CD300C: variants seen among roughly 807,000 people sequenced by gnomAD.
CD300C encodes CD300c molecule, also known as CMRF35-like molecule 6.
A neutral mutation model predicts 18.4 loss-of-function variants in CD300C; 11 were observed. That is an observed-to-expected ratio of 0.60 (90% CI 0.38 to 0.99). The LOEUF (loss-of-function observed/expected upper bound fraction) is 0.99, where lower values mean the gene tolerates loss of function less well. CD300C is among the 50% of genes least tolerant of loss of function. CD300C has a pLI of 0.01. For missense variants in CD300C, 277 were observed against 287.4 expected (o/e 0.96, Z 0.26); for synonymous variants, 116 against 116.3 (o/e 1.00, Z 0.02).
At chr17:74,539,221 A>G (rs1040774975), downstream of CD300C, among the ~76,000 whole-genome samples, 6 of 152,188 alleles carry the variant, frequency 3.9e-5, no homozygotes, top group Non-Finnish European at 8.8e-5. Context: ...ATCTTGGTGG[A>G]CCTGGCACCA....
intron 2 of CD300C, among the ~76,000 whole-genome samples, chr17:74,544,147 A>G (rs866411717): frequency 7.2e-5 from 11 of 152,176 alleles, no homozygotes; most frequent in Admixed American, 2.6e-4. Flanking sequence ...AGAGGAGCCA[A>G]TGATGGGGGG....
intron 2 of CD300C, among the ~76,000 whole-genome samples, chr17:74,544,153 G>T (rs1453276765): frequency 6.6e-6 from 1 of 152,130 alleles, no homozygotes; most frequent in Non-Finnish European, 1.5e-5. Flanking sequence ...GCCAATGATG[G>T]GGGGGTCCAA....
chr17:74,540,762 G>A (rs4788845), downstream of CD300C, among the ~76,000 whole-genome samples: 83,454 of 152,068 alleles, frequency 0.55, 23,433 homozygotes, highest in Middle Eastern at 0.69. Context: ...CCCTCCATCC[G>A]TTTCCAAATT....
chr17:74,542,714 G>C lies in CD300C; in HGVS notation c.527+147C>G, dbSNP rs1011228750. ...CTGCTGTGACCCAATCCCAAAAGGA[G>C]CGCCTGACACTTAATAGAACCTTCA... is the stretch of plus-strand genomic sequence containing the variant. On this transcript the variant is annotated intron_variant, in intron 3 of 3. Transcript: ENST00000330793. 1.0e-5 allele frequency: 10 copies of C among 953,306 alleles called. No homozygotes were observed. The South Asian group carries it at 1.7e-4, about 17-fold the overall frequency. 59.1% of individuals were successfully genotyped at this position (953,306 alleles called of 1,614,324 possible). A position where few individuals can be genotyped will look rare whatever the true frequency, so the allele number is the denominator to read the frequency against.
Position 74,541,353 on chromosome 17 carries a change from C to T in CD300C, c.*236G>A, listed in dbSNP as rs563329817. 2 of 465,724 alleles carry T rather than the reference C, an allele frequency of 4.3e-6. No homozygotes were observed. The highest frequency in any genetic ancestry group is 4.0e-6 in the Non-Finnish European group (1 of 252,230). 28.8% of individuals were successfully genotyped at this position (465,724 alleles called of 1,614,324 possible). A position where few individuals can be genotyped will look rare whatever the true frequency, so the allele number is the denominator to read the frequency against. On this transcript the variant is annotated 3_prime_UTR_variant, in exon 4 of 4. Coordinates refer to ENST00000330793, the MANE Select transcript of CD300C (RefSeq NM_006678.5). The stretch of plus-strand genomic sequence containing the variant: ...GCACTCAGAGGTATTGCTGACGGCC[C>T]GAGGCTTAGCTGGCCGGGGCGTGCA...
At chr17:74,545,699 A>G (rs809740) in intron 1 of CD300C, 23 bp downstream of exon 1, 1,052,475 of 1,584,410 alleles carry the variant, frequency 0.66, 354,943 homozygotes, top group African/African-American at 0.94. Flanking sequence ...AGAGCTCCCC[A>G]AGTCCAGGGT....
At chr17:74,535,635 CAG>C in the CD300C span, among the ~76,000 whole-genome samples, 2 of 149,248 alleles carry the variant, frequency 1.3e-5, no homozygotes, top group Non-Finnish European at 2.9e-5. Context: ...TGTTCATAGA[CAG>C]AGAAATTATT....
In CD300C at chr17:74,544,623, A is replaced by G. The variant is rs547924214; in HGVS notation, c.386T>C (p.Val129Ala). Reference sequence around the variant, plus strand: ...GAGGGGCTCACCCGGGAACACGGACACCTCAACCTCGACAATGGGATCATG... The same window carrying G: ...GAGGGGCTCACCCGGGAACACGGACGCCTCAACCTCGACAATGGGATCATG... Reference protein sequence around the residue: ...DFHDPIVEVEVSVFPAGTTTA... With the variant: ...DFHDPIVEVEASVFPAGTTTA... Residue 129 changes from valine (V) to alanine (A), a missense_variant, in exon 2 of 4, where the codon GTG becomes GCG. Val to Ala is a moderately conservative substitution (Grantham distance 64). Transcript: ENST00000330793. 2.5e-6 allele frequency: 4 copies of G among 1,609,976 alleles called. No individual in the cohort carries two copies. Among genetic ancestry groups the G allele is most frequent in the Non-Finnish European group, 3.4e-6 (4 of 1,176,528 alleles).
chr17:74,536,106 A>G (rs1908366203), downstream of CD300C, among the ~76,000 whole-genome samples: 1 of 152,150 alleles, frequency 6.6e-6, no homozygotes, highest in African/African-American at 2.4e-5. Flanking sequence ...TTAGAAGAAG[A>G]TATAGGATAA....
In CD300C at chr17:74,543,080, C is replaced by G. The variant is rs528186500; in HGVS notation, c.401-93G>C. The G allele has an allele frequency of 3.9e-6, 6 of 1,526,988 alleles. No individual in the cohort carries two copies. In the East Asian group the frequency reaches 1.4e-4, roughly 34 times the overall value. 94.6% of individuals were successfully genotyped at this position (1,526,988 alleles called of 1,614,324 possible). ...GCTCCAATTTTCACAGACAAGGTCACCAATGATGTGCTGGACAGATGCCCT... is the reference window on the plus strand; with the variant it reads ...GCTCCAATTTTCACAGACAAGGTCAGCAATGATGTGCTGGACAGATGCCCT... On this transcript the variant is annotated intron_variant, in intron 2 of 3. Coordinates refer to ENST00000330793, the MANE Select transcript of CD300C (RefSeq NM_006678.5).
chr17:74,541,524 A>T lies in CD300C; in HGVS notation c.*65T>A. On this transcript the variant is annotated 3_prime_UTR_variant, in exon 4 of 4. Coordinates refer to ENST00000330793, the MANE Select transcript of CD300C (RefSeq NM_006678.5). Reference sequence around the variant, plus strand: ...GAGAGCAGCCCGGGAGGGAGTGGTCAGGAGGTCATTCCAGTCCCCCAGAGG... The same window carrying T: ...GAGAGCAGCCCGGGAGGGAGTGGTCTGGAGGTCATTCCAGTCCCCCAGAGG... The T allele has an allele frequency of 9.1e-7, 1 of 1,102,086 alleles. No individual in the cohort carries two copies. Among genetic ancestry groups the T allele is most frequent in the Non-Finnish European group, 1.4e-6 (1 of 714,998 alleles). 68.3% of individuals were successfully genotyped at this position (1,102,086 alleles called of 1,614,324 possible). A position where few individuals can be genotyped will look rare whatever the true frequency, so the allele number is the denominator to read the frequency against.
At chr17:74,540,981 C>T (rs1014524943), downstream of CD300C, 2 of 152,434 alleles carry the variant, frequency 1.3e-5, no homozygotes, top group African/African-American at 2.4e-5. Flanking sequence ...TCCTTTTCTG[C>T]AGGGACCCCC....
downstream of CD300C, among the ~76,000 whole-genome samples, chr17:74,537,254 G>A (rs1187821371): frequency 6.6e-6 from 1 of 152,150 alleles, no homozygotes; most frequent in Non-Finnish European, 1.5e-5. Flanking sequence ...TTAAGAAAGA[G>A]GGATGTGCGA....
chr17:74,537,033 A>C (rs1274019186), downstream of CD300C, among the ~76,000 whole-genome samples: 1 of 150,082 alleles, frequency 6.7e-6, no homozygotes, highest in East Asian at 1.9e-4. Context: ...AGGAGGAAAA[A>C]AAGAGGGAGG....
chr17:74,544,065 A>T (rs1462105803), intron 2 of CD300C, among the ~76,000 whole-genome samples: 2 of 152,026 alleles, frequency 1.3e-5, no homozygotes, highest in Non-Finnish European at 2.9e-5. Flanking sequence ...CAGGGCTGTG[A>T]GGCTGCGGCC....
chr17:74,543,104 C>T, intron 2 of CD300C, 117 bp from the exon 3 acceptor site: 2 of 1,395,270 alleles, frequency 1.4e-6, no homozygotes, highest in Non-Finnish European at 2.0e-6. Context: ...GACAGATGCC[C>T]TGCATCCATC....
At chr17:74,540,814 C>T (rs757626417), downstream of CD300C, among the ~76,000 whole-genome samples, 1 of 152,218 alleles carries the variant, frequency 6.6e-6, no homozygotes, top group Non-Finnish European at 1.5e-5. Context: ...AAGGAGAGGT[C>T]AGGTCCCCTT....
downstream of CD300C, chr17:74,540,996 C>G (rs72490451): frequency 3.9e-5 from 6 of 152,368 alleles, no homozygotes; most frequent in African/African-American, 1.4e-4. Context: ...ACCCCCATTC[C>G]GAGAGGCCTA....
downstream of CD300C, among the ~76,000 whole-genome samples, chr17:74,537,060 AAAGGAG>A (rs1285768085): frequency 8.0e-5 from 11 of 137,662 alleles, no homozygotes; most frequent in African/African-American, 3.4e-4. Flanking sequence ...AAAAAGAAGA[AAAGGAG>A]GAGGAGGAGG....
Sources: gnomAD v4.1 joint callset for allele counts (sites outside exome capture counted in the v4.1 genomes callset) on GRCh38, gnomAD v4.1.1 for gene constraint, MANE v1.5 for transcripts, NCBI Gene and HGNC (gene_info 2026-07-23, HGNC 2026-07-21) for gene names.